The following ROBO2 variants were observed in gnomAD, a reference collection of about 807,000 sequenced individuals.
ROBO2 encodes roundabout homolog 2.
ROBO2 carries 53 observed loss-of-function variants against 160.8 expected under a neutral mutation model. That is an observed-to-expected ratio of 0.33 (90% CI 0.26 to 0.41). The LOEUF is 0.41. Among genes scored for constraint, ROBO2 ranks in the 10% least tolerant of loss-of-function variants. The pLI, the probability that ROBO2 is intolerant of heterozygous loss-of-function variation, is 1.00. For synonymous variants in ROBO2, 664 were observed against 611.7 expected, an observed-to-expected ratio of 1.09 and a Z score of -1.26; for missense variants, 1,577 against 1,722.4, an observed-to-expected ratio of 0.92 and a Z score of 1.49.
chr3:77,112,969 T>C (rs2073817881), intron 2 of ROBO2, among the ~76,000 whole-genome samples: 1 of 152,252 alleles, frequency 6.6e-6, no homozygotes, highest in Admixed American at 6.5e-5. Context: ...TCTGATGCCC[T>C]TTCAGTTGCA....
At chr3:75,916,889 G>A (rs1311696882) in intron 1 of ROBO2, among the ~76,000 whole-genome samples, 2 of 151,770 alleles carry the variant, frequency 1.3e-5, no homozygotes, top group African/African-American at 4.8e-5. Context: ...ACATATATAT[G>A]TTACAAATAC....
intron 2 of ROBO2, among the ~76,000 whole-genome samples, chr3:77,126,722 C>T (rs1467665084): frequency 7.0e-6 from 1 of 142,678 alleles, no homozygotes; most frequent in African/African-American, 2.7e-5. Flanking sequence ...ATTTTTTTTC[C>T]TTTGAAAGAT....
At chr3:77,036,640 T>C (rs527867128), upstream of ROBO2, among the ~76,000 whole-genome samples, 572 of 152,224 alleles carry the variant, frequency 3.8e-3, 3 homozygotes, top group Non-Finnish European at 5.9e-3. Flanking sequence ...ATTTTGAATA[T>C]ATAATACCTT....
intron 2 of ROBO2, among the ~76,000 whole-genome samples, chr3:76,678,955 G>A (rs2092483744): frequency 6.6e-6 from 1 of 152,074 alleles, no homozygotes; most frequent in Non-Finnish European, 1.5e-5. Flanking sequence ...TATGATTATT[G>A]TTGTCATATT....
At chr3:77,066,672 C>G (rs1261716263) in intron 1 of ROBO2, among the ~76,000 whole-genome samples, 1 of 151,962 alleles carries the variant, frequency 6.6e-6, no homozygotes, top group Non-Finnish European at 1.5e-5. Flanking sequence ...ATTATATAAT[C>G]TGTATTTCTT....
chr3:77,153,461 GTAC>G (rs1350771719), intron 2 of ROBO2, among the ~76,000 whole-genome samples: 2 of 152,058 alleles, frequency 1.3e-5, no homozygotes, highest in Non-Finnish European at 2.9e-5. Flanking sequence ...CATTGTGACA[GTAC>G]TACAACCAAA....
At chr3:77,159,269 T>C (rs2078280741) in intron 2 of ROBO2, among the ~76,000 whole-genome samples, 1 of 152,092 alleles carries the variant, frequency 6.6e-6, no homozygotes, top group African/African-American at 2.4e-5. Context: ...AAATTCAATT[T>C]CCCCCAACCA....
intron 2 of ROBO2, among the ~76,000 whole-genome samples, chr3:77,300,012 A>T (rs145147315): frequency 6.6e-6 from 1 of 151,754 alleles, no homozygotes; most frequent in African/African-American, 2.4e-5. Flanking sequence ...AAAATACCTC[A>T]CTCTTTCTCC....
intron 2 of ROBO2, among the ~76,000 whole-genome samples, chr3:77,218,350 T>C (rs62251857): frequency 0.035 from 5,367 of 151,906 alleles, 114 homozygotes; most frequent in Middle Eastern, 0.058. Context: ...ATTCCTACCA[T>C]CCTTCATAGC....
chr3:76,396,911 T>G (rs1320180545), intron 2 of ROBO2, among the ~76,000 whole-genome samples: 1 of 152,112 alleles, frequency 6.6e-6, no homozygotes, highest in East Asian at 1.9e-4. Flanking sequence ...AGGTAATTTA[T>G]AGGTTCAATG....
intron 2 of ROBO2, among the ~76,000 whole-genome samples, chr3:77,154,463 AG>A (rs1285998787): frequency 6.6e-6 from 1 of 152,026 alleles, no homozygotes; most frequent in African/African-American, 2.4e-5. Flanking sequence ...GTGGTTTTGG[AG>A]GTTTTTCAAA....
intron 2 of ROBO2, among the ~76,000 whole-genome samples, chr3:76,292,473 C>T (rs1287060162): frequency 1.3e-5 from 2 of 152,106 alleles, no homozygotes; most frequent in Non-Finnish European, 2.9e-5. Context: ...TAAGATGTAA[C>T]ATTTACTCTT....
intron 2 of ROBO2, among the ~76,000 whole-genome samples, chr3:77,384,683 A>C (rs1351546962): frequency 2.6e-5 from 4 of 152,228 alleles, no homozygotes; most frequent in Non-Finnish European, 4.4e-5. Flanking sequence ...AAGATAATAA[A>C]TTAATGAGCA....
intron 2 of ROBO2, among the ~76,000 whole-genome samples, chr3:76,876,319 G>T (rs1204705356): frequency 6.6e-6 from 1 of 152,164 alleles, no homozygotes; most frequent in Non-Finnish European, 1.5e-5. Flanking sequence ...GTTACCAAGT[G>T]AATCTGTTCC....
chr3:76,374,676 AC>A (rs926530401), intron 2 of ROBO2, among the ~76,000 whole-genome samples: 2 of 151,986 alleles, frequency 1.3e-5, no homozygotes, highest in African/African-American at 4.8e-5. Flanking sequence ...GCCTCTGTCT[AC>A]CTGGGGAAAC....
intron 5 of ROBO2, among the ~76,000 whole-genome samples, chr3:77,504,436 A>G (rs970982140): frequency 4.0e-5 from 6 of 151,632 alleles, no homozygotes; most frequent in Non-Finnish European, 1.5e-5. Context: ...AAAATGTTCA[A>G]TTAAACCCAT....
chr3:76,511,379 C>T (rs1260196708), intron 2 of ROBO2, among the ~76,000 whole-genome samples: 1 of 152,196 alleles, frequency 6.6e-6, no homozygotes. Context: ...GACTTGTGCT[C>T]ACCGCAGCGA....
chr3:76,499,575 CCAAT>C (rs2080349206), intron 2 of ROBO2, among the ~76,000 whole-genome samples: 1 of 152,146 alleles, frequency 6.6e-6, no homozygotes, highest in South Asian at 2.1e-4. Flanking sequence ...CTTTGATCAC[CCAAT>C]CAGTCTCTTT....
At chr3:77,635,085 C>T (rs374939662) in intron 24 of ROBO2, 42 bp downstream of exon 25, 15 of 1,594,312 alleles carry the variant, frequency 9.4e-6, no homozygotes, top group African/African-American at 6.7e-5. Flanking sequence ...GCTGAAGAGA[C>T]GTGCTCCATG....
Sources: gnomAD v4.1 joint callset for allele counts (sites outside exome capture counted in the v4.1 genomes callset) on GRCh38, gnomAD v4.1.1 for gene constraint, MANE v1.5 for transcripts, NCBI Gene and HGNC (gene_info 2026-07-23, HGNC 2026-07-21) for gene names.